DNAH5: variants seen among roughly 807,000 people sequenced by gnomAD.
DNAH5 encodes the protein axonemal beta dynein heavy chain 5.
A neutral mutation model predicts 518.2 loss-of-function variants in DNAH5; 372 were observed. That is an observed-to-expected ratio of 0.72 (90% CI 0.66 to 0.78). DNAH5 has a LOEUF of 0.78. Ranked by LOEUF, DNAH5 falls within the 30% of genes least tolerant of loss-of-function variation. The pLI, the probability that DNAH5 is intolerant of heterozygous loss-of-function variation, is 0.00. For synonymous variants in DNAH5, 2,039 were observed against 2,025.9 expected (o/e 1.01, Z -0.17); for missense variants, 5,523 against 5,687.0 (o/e 0.97, Z 0.93).
chr5:13,753,878 T>C (rs1225733589), intron 62 of DNAH5, among the ~76,000 whole-genome samples: 1 of 152,168 alleles, frequency 6.6e-6, no homozygotes, highest in Non-Finnish European at 1.5e-5. Flanking sequence ...TTCATCAATA[T>C]ACCCATGCAC....
intron 52 of DNAH5, among the ~76,000 whole-genome samples, chr5:13,781,996 T>C (rs1580210229): frequency 2.0e-5 from 3 of 152,290 alleles, no homozygotes; most frequent in Non-Finnish European, 2.9e-5. Flanking sequence ...TTTGGCTTTA[T>C]TGGTGTTGAA....
chr5:13,786,425 C>T, intron 51 of DNAH5, 74 bp from the exon 52 acceptor site: 1 of 1,384,688 alleles, frequency 7.2e-7, no homozygotes, highest in Non-Finnish European at 1.0e-6. Flanking sequence ...TTAATACACT[C>T]AAAGCTCTAC....
intron 55 of DNAH5, chr5:13,771,276 C>T: frequency 2.4e-6 from 1 of 408,450 alleles, no homozygotes; most frequent in Non-Finnish European, 4.6e-6. Flanking sequence ...CAGCAGCCAA[C>T]CTGTTTTATG....
intron 65 of DNAH5, among the ~76,000 whole-genome samples, chr5:13,748,682 C>T (rs1010549818): frequency 2.0e-5 from 3 of 151,868 alleles, no homozygotes; most frequent in Non-Finnish European, 2.9e-5. Flanking sequence ...TCTCTGTTTG[C>T]CTGTTATTGG....
At chr5:13,891,161 A>C (rs1217124077) in intron 16 of DNAH5, 40 bp from the exon 17 acceptor site, 1 of 1,610,482 alleles carries the variant, frequency 6.2e-7, no homozygotes, top group Admixed American at 1.7e-5. Context: ...AGATTAGGTA[A>C]AGCATTTTGT....
intron 70 of DNAH5, among the ~76,000 whole-genome samples, chr5:13,726,321 C>T (rs760747873): frequency 6.6e-6 from 1 of 152,136 alleles, no homozygotes; most frequent in Non-Finnish European, 1.5e-5. Context: ...ACCATATTTG[C>T]ATTTCTTCTA....
At chr5:13,938,598 AC>A (rs1451126581) in intron 1 of DNAH5, among the ~76,000 whole-genome samples, 2 of 151,856 alleles carry the variant, frequency 1.3e-5, no homozygotes, top group African/African-American at 4.8e-5. Flanking sequence ...TATGAAAAAA[AC>A]ATAGTATATA....
chr5:13,928,381 A>T (rs1164305561), intron 2 of DNAH5, among the ~76,000 whole-genome samples: 1 of 152,270 alleles, frequency 6.6e-6, no homozygotes, highest in Admixed American at 6.5e-5. Context: ...TGTTCAAAAA[A>T]GTAATTTCAT....
At chr5:14,010,391 C>T (rs1308028212) in intron 1 of DNAH5, among the ~76,000 whole-genome samples, 1 of 152,098 alleles carries the variant, frequency 6.6e-6, no homozygotes, top group Non-Finnish European at 1.5e-5. Flanking sequence ...AATATAACAA[C>T]CCAGATGAAA....
Position 14,000,554 on chromosome 5 carries a change from TC to T in DNAH5, c.12+11093del, listed in dbSNP as rs143832886. ...ATGCCTTCTTTTGAGAAGTGCCTGT[TC>T]ATGTCCTCTGCCCACATTTTAATGG... On this transcript the variant is annotated intron_variant, in intron 1 of 78. Transcript: ENST00000681290. 2.4e-3 allele frequency among the ~76,000 whole-genome samples: 359 copies of T among 152,166 alleles called. 3 individuals carry two copies. The highest frequency in any genetic ancestry group is 8.2e-3 in the African/African-American group (342 of 41,524).
At chr5:13,740,875 G>A (rs1290279400) in intron 65 of DNAH5, among the ~76,000 whole-genome samples, 1 of 152,016 alleles carries the variant, frequency 6.6e-6, no homozygotes, top group Non-Finnish European at 1.5e-5. Flanking sequence ...ACCTTTTATG[G>A]CATTTACCAC....
At chr5:13,958,753 T>C (rs1780948708) in intron 1 of DNAH5, among the ~76,000 whole-genome samples, 1 of 152,204 alleles carries the variant, frequency 6.6e-6, no homozygotes, top group African/African-American at 2.4e-5. Context: ...GATGTTCTAA[T>C]AGAATGTTTT....
intron 32 of DNAH5, among the ~76,000 whole-genome samples, chr5:13,843,559 C>G (rs568553249): frequency 8.7e-4 from 132 of 152,300 alleles, no homozygotes; most frequent in Non-Finnish European, 1.5e-3. Context: ...GTGGTCACCT[C>G]TAGCCTCCAG....
At chr5:13,833,971 G>T (rs181195491) in intron 35 of DNAH5, among the ~76,000 whole-genome samples, 28 of 152,278 alleles carry the variant, frequency 1.8e-4, no homozygotes, top group Middle Eastern at 3.4e-3. Flanking sequence ...AGTCAGTGAA[G>T]GGCTGACAAC....
chr5:13,994,559 A>G (rs1272395496), intron 1 of DNAH5, among the ~76,000 whole-genome samples: 2 of 152,176 alleles, frequency 1.3e-5, no homozygotes, highest in African/African-American at 2.4e-5. Context: ...CCCTGACACA[A>G]CTACTTACAC....
At chr5:13,842,581 C>T (rs1327260257) in intron 32 of DNAH5, among the ~76,000 whole-genome samples, 4 of 151,776 alleles carry the variant, frequency 2.6e-5, no homozygotes. Context: ...ATATTTAATA[C>T]AAATATGATG....
At chr5:13,873,766 G>A (rs995325640) in intron 22 of DNAH5, among the ~76,000 whole-genome samples, 1 of 152,068 alleles carries the variant, frequency 6.6e-6, no homozygotes, top group African/African-American at 2.4e-5. Flanking sequence ...CTCCTAAAGT[G>A]CTGAGATTAC....
At position 13,766,144 on chromosome 5, in the gene DNAH5, C is replaced by T. The variant is rs376212341; in HGVS notation, c.9933G>A (p.Thr3311=). 17 of 1,614,048 alleles carry T rather than the reference C, an allele frequency of 1.1e-5. No homozygotes were observed. Among genetic ancestry groups the T allele is most frequent in the African/African-American group, 9.3e-5 (7 of 74,934 alleles). ...TGATGAGGTGAGGGGGGCGGCCCAA[C>T]GTGCGAACAGTGGCGATGTCCGAAG... ...IRPSDIATVR[T]LGRPPHLIMR... is the part of the protein sequence containing the mutation. The change falls in exon 59 of 79, where the codon ACG becomes ACA. Residue 3311 remains threonine, a synonymous_variant. Transcript: ENST00000265104.
At position 13,914,517 on chromosome 5, in the gene DNAH5, T is replaced by C; in HGVS notation, c.1320+3A>G. ...AACATCTAAATACTAAACTGACCAT[T>C]ACCTGTTTCAGTTTAATCGCAGATA... On this transcript the variant is annotated splice_donor_region_variant and intron_variant, in intron 10 of 78. Coordinates refer to ENST00000265104, the MANE Select transcript of DNAH5 (RefSeq NM_001369.3). The C allele has an allele frequency of 6.2e-7, 1 of 1,612,718 alleles. No homozygotes were observed. The highest frequency in any genetic ancestry group is 8.5e-7 in the Non-Finnish European group (1 of 1,179,214).
Sources: allele counts gnomAD v4.1 joint callset (sites outside exome capture counted in the v4.1 genomes callset), GRCh38; gene constraint gnomAD v4.1.1; transcripts MANE v1.5; gene names NCBI Gene and HGNC (gene_info 2026-07-23, HGNC 2026-07-21).